The following IL1R1 variants were observed in gnomAD, a reference collection of about 807,000 sequenced individuals.
IL1R1 encodes interleukin-1 receptor type 1.
IL1R1 carries 22 observed loss-of-function variants against 50.2 expected under a neutral mutation model. That is an observed-to-expected ratio of 0.44 (90% CI 0.31 to 0.63). The LOEUF (loss-of-function observed/expected upper bound fraction) is 0.63, where lower values mean the gene tolerates loss of function less well. Ranked by LOEUF, IL1R1 falls within the 20% of genes least tolerant of loss-of-function variation. IL1R1 has a pLI of 0.07. For synonymous variants in IL1R1, 251 were observed against 236.7 expected (o/e 1.06, Z -0.55); for missense variants, 509 against 676.2 (o/e 0.75, Z 2.74).
At chr2:102,116,723 A>G (rs1350248493) in intron 1 of IL1R1, among the ~76,000 whole-genome samples, 1 of 152,226 alleles carries the variant, frequency 6.6e-6, no homozygotes, top group Non-Finnish European at 1.5e-5. Flanking sequence ...CAACAGCAGC[A>G]GGAAGGTCAT....
intron 7 of IL1R1, 24 bp downstream of exon 7, chr2:102,168,687 T>C (rs764844643): frequency 6.4e-7 from 1 of 1,558,760 alleles, no homozygotes; most frequent in Non-Finnish European, 8.7e-7. Flanking sequence ...AGTGAGGGTA[T>C]GCTGGAATCG....
chr2:102,089,886 T>G (rs1490763030), intron 1 of IL1R1, among the ~76,000 whole-genome samples: 4 of 150,102 alleles, frequency 2.7e-5, no homozygotes, highest in Admixed American at 6.7e-5. Context: ...CAGGCTGGAG[T>G]GCAGTGGTAC....
intron 1 of IL1R1, among the ~76,000 whole-genome samples, chr2:102,150,621 G>A (rs2104486884): frequency 6.6e-6 from 1 of 152,292 alleles, no homozygotes; most frequent in Middle Eastern, 3.4e-3. Flanking sequence ...CTGTATTTGG[G>A]AAGATCTTCA....
At chr2:102,130,452 A>G (rs145952023) in intron 1 of IL1R1, among the ~76,000 whole-genome samples, 2 of 151,892 alleles carry the variant, frequency 1.3e-5, no homozygotes, top group East Asian at 3.9e-4. Context: ...CCTCACTCTT[A>G]TCTTTCCTCT....
intron 1 of IL1R1, among the ~76,000 whole-genome samples, chr2:102,145,786 T>C (rs1683066399): frequency 6.6e-6 from 1 of 152,152 alleles, no homozygotes; most frequent in Non-Finnish European, 1.5e-5. Context: ...CTCAGGGAAA[T>C]GCCAGGACTG....
chr2:102,106,692 G>A (rs1680432618), intron 1 of IL1R1, among the ~76,000 whole-genome samples: 1 of 152,188 alleles, frequency 6.6e-6, no homozygotes, highest in Non-Finnish European at 1.5e-5. Flanking sequence ...AGGTGTATTT[G>A]TCTCTGAGTA....
At chr2:102,098,852 C>T (rs1004307486) in intron 1 of IL1R1, among the ~76,000 whole-genome samples, 8 of 152,112 alleles carry the variant, frequency 5.3e-5, no homozygotes, top group Non-Finnish European at 1.5e-5. Flanking sequence ...TAATGAGAAC[C>T]TTTGGAATCT....
At chr2:102,084,682 T>C (rs901748986) in intron 1 of IL1R1, among the ~76,000 whole-genome samples, 16 of 152,230 alleles carry the variant, frequency 1.1e-4, no homozygotes, top group African/African-American at 3.9e-4. Context: ...CTAATAAATA[T>C]AGGGCTGCTA....
Position 102,171,795 on chromosome 2 carries a change from T to C in IL1R1, c.722-6T>C, listed in dbSNP as rs375887567. The stretch of plus-strand genomic sequence containing the variant: ...AATGTTAAGATTAAAAATACATTCT[T>C]TGCAGGATCCCAGATACAATTGATC... On this transcript the variant is annotated splice_region_variant and splice_polypyrimidine_tract_variant and intron_variant, in intron 7 of 11. Transcript: ENST00000410023. The C allele has an allele frequency of 1.3e-6, 2 of 1,522,878 alleles. No homozygotes were observed. Among genetic ancestry groups the C allele is most frequent in the African/African-American group, 2.7e-5 (2 of 73,148 alleles). 94.3% of individuals were successfully genotyped at this position (1,522,878 alleles called of 1,614,324 possible).
Position 102,106,413 on chromosome 2 carries a change from T to C in IL1R1, c.-84+1541T>C, listed in dbSNP as rs563514262. On this transcript the variant is annotated intron_variant, in intron 1 of 10. Transcript: ENST00000409329. ...AGTGATGAGTTTAAAAAGATTCTTA[T>C]GGCCTTTCCTAACACTACATGCTAT... is the stretch of plus-strand genomic sequence containing the variant. 8.2e-4 allele frequency among the ~76,000 whole-genome samples: 125 copies of C among 152,340 alleles called. 1 individual carries two copies. The highest frequency in any genetic ancestry group is 2.9e-3 in the African/African-American group (121 of 41,588).
At chr2:102,149,593 T>G (rs73943995) in intron 1 of IL1R1, among the ~76,000 whole-genome samples, 3,895 of 152,224 alleles carry the variant, frequency 0.026, 115 homozygotes, top group African/African-American at 0.069. Context: ...ACCATGTCCC[T>G]CATGTACCTG....
intron 1 of IL1R1, among the ~76,000 whole-genome samples, chr2:102,090,144 T>C (rs936300676): frequency 6.6e-6 from 1 of 151,300 alleles, no homozygotes; most frequent in Admixed American, 6.6e-5. Flanking sequence ...TATCCTTTTT[T>C]TTTCAATTTT....
At chr2:102,169,662 T>C (rs1685503061) in intron 7 of IL1R1, among the ~76,000 whole-genome samples, 1 of 152,228 alleles carries the variant, frequency 6.6e-6, no homozygotes, top group African/African-American at 2.4e-5. Context: ...ATGCTTGTGA[T>C]CTGTGAATTC....
intron 1 of IL1R1, among the ~76,000 whole-genome samples, chr2:102,089,191 C>T (rs926485130): frequency 1.3e-5 from 2 of 152,142 alleles, no homozygotes; most frequent in South Asian, 2.1e-4. Context: ...TTCAACATGC[C>T]TAAGCTTCAT....
intron 5 of IL1R1, 75 bp downstream of exon 5, chr2:102,165,379 C>T (rs1401512987): frequency 4.2e-6 from 3 of 714,784 alleles, no homozygotes; most frequent in African/African-American, 3.7e-5. Context: ...AATGTATCTG[C>T]AAAGTACCTT....
At chr2:102,080,829 T>A (rs1679172605) in intron 1 of IL1R1, among the ~76,000 whole-genome samples, 1 of 152,138 alleles carries the variant, frequency 6.6e-6, no homozygotes, top group South Asian at 2.1e-4. Context: ...GATGAATGGA[T>A]TAACAATATG....
rs1345940424 is a variant in IL1R1 at position 102,157,713 on chromosome 2, C to G, written c.-6-6C>G. 2 of 1,583,026 alleles carry G rather than the reference C, an allele frequency of 1.3e-6. No individual in the cohort carries two copies. Among genetic ancestry groups the G allele is most frequent in the Non-Finnish European group, 1.7e-6 (2 of 1,152,758 alleles). ...TTGTCTTTCTTTCGTTCCTCCATTT[C>G]TCCAGAAGAATATGAAAGTGTTACT... On this transcript the variant is annotated splice_region_variant and splice_polypyrimidine_tract_variant and intron_variant, in intron 2 of 11. Coordinates refer to ENST00000410023, the MANE Select transcript of IL1R1 (RefSeq NM_000877.4).
At chr2:102,130,881 G>T (rs563834638) in intron 1 of IL1R1, among the ~76,000 whole-genome samples, 3 of 152,174 alleles carry the variant, frequency 2.0e-5, no homozygotes, top group African/African-American at 7.2e-5. Context: ...CAAAACCAGG[G>T]TTTTTAAGAA....
At chr2:102,100,273 C>T (rs1680083535), upstream of IL1R1, among the ~76,000 whole-genome samples, 1 of 152,184 alleles carries the variant, frequency 6.6e-6, no homozygotes, top group African/African-American at 2.4e-5. Flanking sequence ...CTGCTCTGTA[C>T]TCTCCACAAT....
Sources: gnomAD v4.1 joint callset for allele counts (sites outside exome capture counted in the v4.1 genomes callset) on GRCh38, gnomAD v4.1.1 for gene constraint, MANE v1.5 for transcripts, NCBI Gene and HGNC (gene_info 2026-07-23, HGNC 2026-07-21) for gene names.